KDM5B: variants seen among roughly 807,000 people sequenced by gnomAD.
KDM5B encodes lysine-specific demethylase 5B.
Under a neutral mutation model 193.4 loss-of-function variants are expected in KDM5B, and 144 were observed. The observed-to-expected ratio is 0.74, with a 90% confidence interval of 0.65 to 0.86. The LOEUF (loss-of-function observed/expected upper bound fraction) is 0.86. Ranked by LOEUF, KDM5B falls within the 40% of genes least tolerant of loss-of-function variation. The pLI, the probability that KDM5B is intolerant of heterozygous loss-of-function variation, is 0.00. For synonymous variants in KDM5B, 668 were observed against 682.6 expected (o/e 0.98, Z 0.33); for missense variants, 1,833 against 1,886.9 (o/e 0.97, Z 0.53).
At chr1:202,759,109 T>G (rs1389305829) in intron 8 of KDM5B, among the ~76,000 whole-genome samples, 1 of 152,232 alleles carries the variant, frequency 6.6e-6, no homozygotes, top group Non-Finnish European at 1.5e-5. Flanking sequence ...GATGGAGATA[T>G]CCTTATGTTG....
intron 1 of KDM5B, among the ~76,000 whole-genome samples, chr1:202,785,909 T>TAA (rs535467100): frequency 0.016 from 2,151 of 134,122 alleles, 58 homozygotes; most frequent in African/African-American, 0.056. Flanking sequence ...GACTCCCAAT[T>TAA]AAAAAAAAAA....
Position 202,735,522 on chromosome 1 carries a change from C to T in KDM5B, c.3330G>A (p.Glu1110=), listed in dbSNP as rs1273038868. The part of the protein sequence containing the change: ...GLKRKQRKLK[E]PLPNGKKKST... Reference sequence around the variant, plus strand: ...TTTTTTTCTTTCCATTTGGCAAGGGCTCCTTTAACTTTCTCTGCTTCCTTT... The same window carrying T: ...TTTTTTTCTTTCCATTTGGCAAGGGTTCCTTTAACTTTCTCTGCTTCCTTT... The change falls in exon 22 of 27, where the codon GAG becomes GAA. Residue 1110 remains glutamate (E), a synonymous_variant. Transcript: ENST00000367265. 3 of 1,613,960 alleles carry T rather than the reference C, an allele frequency of 1.9e-6. No individual in the cohort carries two copies. The highest frequency in any genetic ancestry group is 2.2e-5 in the East Asian group (1 of 44,866).
chr1:202,736,530 A>G, intron 20 of KDM5B, 138 bp from the exon 21 acceptor site: 1 of 498,724 alleles, frequency 2.0e-6, no homozygotes, highest in Non-Finnish European at 3.3e-6. Flanking sequence ...ACAAACGCTG[A>G]CTAACCTGCC....
chr1:202,780,813 T>C (rs1157986737), intron 1 of KDM5B, among the ~76,000 whole-genome samples: 2 of 149,708 alleles, frequency 1.3e-5, no homozygotes, highest in Non-Finnish European at 3.0e-5. Flanking sequence ...AAAATACATA[T>C]ATATGTGGCA....
intron 9 of KDM5B, among the ~76,000 whole-genome samples, chr1:202,757,096 TG>T (rs35608917): frequency 0.48 from 72,715 of 150,322 alleles, 18,648 homozygotes; most frequent in Admixed American, 0.59. Flanking sequence ...GGCTGGGAGG[TG>T]GGGGGGGGAT....
intron 10 of KDM5B, 148 bp from the exon 11 acceptor site, chr1:202,755,600 ATTCG>A (rs1655977303): frequency 1.6e-6 from 1 of 636,182 alleles, no homozygotes; most frequent in African/African-American, 1.8e-5. Flanking sequence ...ATGCCCAGAG[ATTCG>A]TTTTGCCCAG....
At chr1:202,804,396 CAG>C (rs1459734950) in intron 1 of KDM5B, among the ~76,000 whole-genome samples, 4 of 151,906 alleles carry the variant, frequency 2.6e-5, no homozygotes, top group Admixed American at 6.5e-5. Context: ...ATAGGGAAAA[CAG>C]AGAGAGGGTT....
At chr1:202,740,115 C>G (rs920916497) in intron 20 of KDM5B, among the ~76,000 whole-genome samples, 6 of 146,096 alleles carry the variant, frequency 4.1e-5, no homozygotes, top group African/African-American at 1.0e-4. Context: ...TGACCCCCCC[C>G]ACCTCCCTCC....
intron 8 of KDM5B, among the ~76,000 whole-genome samples, chr1:202,759,125 T>C (rs139237577): frequency 6.6e-5 from 10 of 152,316 alleles, no homozygotes; most frequent in African/African-American, 2.4e-4. Context: ...TGTTGTAACA[T>C]AGCTACGTGG....
chr1:202,803,695 T>C (rs985544682), intron 1 of KDM5B, among the ~76,000 whole-genome samples: 1 of 151,884 alleles, frequency 6.6e-6, no homozygotes, highest in Non-Finnish European at 1.5e-5. Flanking sequence ...TGGCGGTGCA[T>C]GCCCACCCAG....
chr1:202,770,380 T>G (rs1656662307), intron 4 of KDM5B, among the ~76,000 whole-genome samples: 1 of 152,152 alleles, frequency 6.6e-6, no homozygotes, highest in Non-Finnish European at 1.5e-5. Context: ...TTCCTGAAAT[T>G]TAACTTACAC....
At position 202,733,389 on chromosome 1, in the gene KDM5B, G is replaced by A. The variant is rs1173093579; in HGVS notation, c.3909+12C>T. 1.5e-5 allele frequency: 24 copies of A among 1,607,520 alleles called. No homozygotes were observed. The highest frequency in any genetic ancestry group is 2.0e-5 in the Non-Finnish European group (23 of 1,175,148). On this transcript the variant is annotated intron_variant, in intron 23 of 26. Transcript: ENST00000367265. ...AAATTCCAATAACCCAACAAGGAAAGTCCAGATTCACCTTGTTTGTGTCTG... is the reference window on the plus strand; with the variant it reads ...AAATTCCAATAACCCAACAAGGAAAATCCAGATTCACCTTGTTTGTGTCTG...
Position 202,735,597 on chromosome 1 carries a change from G to A in KDM5B, c.3265-10C>T. ...ATCGAGGACACAGCACCTAATGTGGGACAAGGCACAACCAATGGTAAAATA... is the reference window on the plus strand; with the variant it reads ...ATCGAGGACACAGCACCTAATGTGGAACAAGGCACAACCAATGGTAAAATA... On this transcript the variant is annotated splice_polypyrimidine_tract_variant and intron_variant, in intron 21 of 26. Transcript: ENST00000367265. The A allele has an allele frequency of 6.2e-7, 1 of 1,611,976 alleles. No homozygotes were observed. Among genetic ancestry groups the A allele is most frequent in the Non-Finnish European group, 8.5e-7 (1 of 1,178,390 alleles).
intron 1 of KDM5B, among the ~76,000 whole-genome samples, chr1:202,803,519 TA>T (rs943774173): frequency 1.3e-5 from 2 of 152,130 alleles, no homozygotes; most frequent in Non-Finnish European, 2.9e-5. Context: ...AAGTTTGTTT[TA>T]GCTTTAAGGT....
intron 4 of KDM5B, among the ~76,000 whole-genome samples, chr1:202,770,961 T>G (rs1301102946): frequency 6.6e-6 from 1 of 152,224 alleles, no homozygotes; most frequent in Admixed American, 6.5e-5. Flanking sequence ...TCAGACTCCT[T>G]GATTGTATAA....
At chr1:202,753,103 C>A in intron 11 of KDM5B, 36 bp from the exon 12 acceptor site, 1 of 1,572,960 alleles carries the variant, frequency 6.4e-7, no homozygotes. Context: ...CAATCTGCAA[C>A]ACCAACACAA....
rs915682958 is a variant in KDM5B at position 202,808,036 on chromosome 1, C to T, written c.204+66G>A. 4 of 1,535,180 alleles carry T rather than the reference C, an allele frequency of 2.6e-6. No homozygotes were observed. The African/African-American group carries it at 5.6e-5, about 22-fold the overall frequency. On this transcript the variant is annotated intron_variant, in intron 1 of 26. Transcript: ENST00000367265. ...CCGCCCCCCGCGCCTCGGGCCTCCC[C>T]GGACCCGCGCGTCCCCGCTCCCTCC...
Position 202,760,441 on chromosome 1 carries a change from A to C in KDM5B, c.1051T>G (p.Trp351Gly), listed in dbSNP as rs1298494940. 1 of 1,609,756 alleles carries C rather than the reference A, an allele frequency of 6.2e-7. No homozygotes were observed. The highest frequency in any genetic ancestry group is 1.7e-5 in the Admixed American group (1 of 59,482). The change falls in exon 8 of 27, where the codon TGG becomes GGG. Residue 351 changes from tryptophan to glycine, a missense_variant. Physicochemically the swap from Trp to Gly is radical, Grantham distance 184 (BLOSUM62 -2). Coordinates refer to ENST00000367265, the MANE Select transcript of KDM5B (RefSeq NM_006618.5). ...TGAGCCAAACACTTAGGACACCTCC[A>C]GTCTCCCTTGGGAACATCATGGAGA... Reference protein sequence around the residue: ...PPLHDVPKGDWRCPKCLAQEC... With the variant: ...PPLHDVPKGDGRCPKCLAQEC...
intron 7 of KDM5B, among the ~76,000 whole-genome samples, chr1:202,761,090 G>T (rs1347042289): frequency 6.6e-6 from 1 of 151,516 alleles, no homozygotes; most frequent in African/African-American, 2.4e-5. Flanking sequence ...ATTTATGAAG[G>T]AAAAATACAA....
Sources: gnomAD v4.1 joint callset for allele counts (sites outside exome capture counted in the v4.1 genomes callset) on GRCh38, gnomAD v4.1.1 for gene constraint, MANE v1.5 for transcripts, NCBI Gene and HGNC (gene_info 2026-07-23, HGNC 2026-07-21) for gene names.